The following BAZ1B variants were observed in gnomAD, a reference collection of about 807,000 sequenced individuals.
The protein encoded by BAZ1B is tyrosine-protein kinase BAZ1B.
BAZ1B carries 22 observed loss-of-function variants against 153.8 expected under a neutral mutation model. That is an observed-to-expected ratio of 0.14 (90% CI 0.10 to 0.20). The LOEUF (loss-of-function observed/expected upper bound fraction) is 0.20. Among genes scored for constraint, BAZ1B ranks in the 10% least tolerant of loss-of-function variants. The pLI is 1.00. For synonymous variants in BAZ1B, 676 were observed against 633.4 expected, an observed-to-expected ratio of 1.07 and a Z score of -1.01; for missense variants, 1,325 against 1,799.3, an observed-to-expected ratio of 0.74 and a Z score of 4.77.
At chr7:73,451,659 A>C (rs929956065) in intron 13 of BAZ1B, among the ~76,000 whole-genome samples, 1 of 152,208 alleles carries the variant, frequency 6.6e-6, no homozygotes, top group Non-Finnish European at 1.5e-5. Flanking sequence ...CACATACAAA[A>C]ATCTACATTT....
rs71071937 is a variant in BAZ1B, at chr7:73,456,937, CAAAAAAAAAAAAAAAAAAAAAAA to C, written c.3432+2576_3432+2598del. On this transcript the variant is annotated intron_variant, in intron 13 of 19. Transcript: ENST00000339594. ...GGCCTCGGCGACAGAGACTCTGTCT[CAAAAAAAAAAAAAAAAAAAAAAA>C]AAAAAAAAAAAAAAAAAGTATTGGC... is the stretch of plus-strand genomic sequence containing the variant. Among the ~76,000 whole-genome samples the C allele has an allele frequency of 2.2e-3, 89 of 39,580 alleles. 1 individual carries two copies. Among genetic ancestry groups the C allele is most frequent in the East Asian group, 7.8e-3 (8 of 1,028 alleles). 26.0% of individuals were successfully genotyped at this position (39,580 alleles called of 152,430 possible).
At chr7:73,487,522 C>T (rs1172236092) in intron 6 of BAZ1B, among the ~76,000 whole-genome samples, 9 of 152,154 alleles carry the variant, frequency 5.9e-5, no homozygotes, top group Non-Finnish European at 1.2e-4. Context: ...TATTCACATA[C>T]TTGAATCACT....
In BAZ1B at chr7:73,444,185, T is replaced by C; in HGVS notation, c.3845-56A>G. On this transcript the variant is annotated intron_variant, in intron 16 of 19. Coordinates refer to ENST00000339594, the MANE Select transcript of BAZ1B (RefSeq NM_032408.4). Reference sequence around the variant, plus strand: ...ACAACGGAAGGTGAAGGGAGGAGCATCTTCGAAATGGGGGAAAGGGATGCA... The same window carrying C: ...ACAACGGAAGGTGAAGGGAGGAGCACCTTCGAAATGGGGGAAAGGGATGCA... 5 of 1,500,450 alleles carry C rather than the reference T, an allele frequency of 3.3e-6. No homozygotes were observed. In the South Asian group the frequency reaches 4.0e-5, roughly 12 times the overall value. 92.9% of individuals were successfully genotyped at this position (1,500,450 alleles called of 1,614,324 possible).
chr7:73,519,313 C>T (rs782498218), intron 1 of BAZ1B, among the ~76,000 whole-genome samples: 1 of 152,150 alleles, frequency 6.6e-6, no homozygotes, highest in Non-Finnish European at 1.5e-5. Context: ...GGGAATACTA[C>T]TTCAAAGGCA....
intron 1 of BAZ1B, 62 bp downstream of exon 1, chr7:73,521,764 AG>A: frequency 7.4e-7 from 1 of 1,354,808 alleles, no homozygotes. Flanking sequence ...TGGTCTCGCG[AG>A]CCCCAGGCCC....
intron 12 of BAZ1B, among the ~76,000 whole-genome samples, chr7:73,461,164 C>T (rs1583897371): frequency 1.3e-5 from 2 of 151,982 alleles, no homozygotes; most frequent in African/African-American, 2.4e-5. Context: ...TTAGTAGAGA[C>T]GGGGTTTCTC....
In BAZ1B at chr7:73,494,283, T is replaced by C. The variant is rs537943879; in HGVS notation, c.572-1362A>G. Among the ~76,000 whole-genome samples the C allele has an allele frequency of 1.8e-4, 27 of 152,214 alleles. No homozygotes were observed. In the South Asian group the frequency reaches 3.9e-3, roughly 22 times the overall value. On this transcript the variant is annotated intron_variant, in intron 4 of 19. Transcript: ENST00000339594. ...CTGTAATCCCAGCTACTCGGGAGGC[T>C]GAGGCAGAAGAATTGCTTGAACCCG...
intron 7 of BAZ1B, 78 bp from the exon 8 acceptor site, chr7:73,470,561 A>G (rs1788764012): frequency 2.0e-6 from 3 of 1,525,120 alleles, no homozygotes. Context: ...AATATGGAGT[A>G]AAAAGTGCCT....
At chr7:73,511,772 G>C (rs1294786877) in intron 1 of BAZ1B, among the ~76,000 whole-genome samples, 1 of 150,796 alleles carries the variant, frequency 6.6e-6, no homozygotes, top group Non-Finnish European at 1.5e-5. Context: ...TGTAATCCCA[G>C]AACTTTGGGA....
intron 16 of BAZ1B, among the ~76,000 whole-genome samples, chr7:73,445,378 GA>G (rs1554566276): frequency 6.6e-6 from 1 of 152,152 alleles, no homozygotes; most frequent in African/African-American, 2.4e-5. Flanking sequence ...CTGCACTGGG[GA>G]ACCACATCTT....
intron 4 of BAZ1B, among the ~76,000 whole-genome samples, chr7:73,494,937 G>A (rs1192733244): frequency 6.6e-6 from 1 of 152,134 alleles, no homozygotes; most frequent in Non-Finnish European, 1.5e-5. Flanking sequence ...TACCTGCCTT[G>A]GGATACAAGA....
Position 73,442,101 on chromosome 7 carries a change from G to A in BAZ1B, c.*15+80C>T, listed in dbSNP as rs557255069. 2.0e-5 allele frequency: 19 copies of A among 969,706 alleles called. No individual in the cohort carries two copies. In the African/African-American group the frequency reaches 2.1e-4, roughly 11 times the overall value. 60.1% of individuals were successfully genotyped at this position (969,706 alleles called of 1,614,324 possible). A position where few individuals can be genotyped will look rare whatever the true frequency, so the allele number is the denominator to read the frequency against. On this transcript the variant is annotated intron_variant, in intron 19 of 19. Coordinates refer to ENST00000339594, the MANE Select transcript of BAZ1B (RefSeq NM_032408.4). ...TGACAGGCGTTTCTGGACTCCCTGT[G>A]ATCTCTTCCAGGTTCTTGGTCTTCC...
Position 73,450,707 on chromosome 7 carries a change from T to C in BAZ1B, c.3580+140A>G. ...CACGACATTTCAAAGACTGGCATGT[T>C]ACAGACCTGCAGGAGAGTAAAATCT... On this transcript the variant is annotated intron_variant, in intron 14 of 19. Transcript: ENST00000339594. The surrounding 1 kb of genome is among the most constrained non-coding windows in gnomAD (Gnocchi z 4.1). The C allele has an allele frequency of 1.0e-6, 1 of 965,192 alleles. No homozygotes were observed. Among genetic ancestry groups the C allele is most frequent in the South Asian group, 1.7e-5 (1 of 59,190 alleles). 59.8% of individuals were successfully genotyped at this position (965,192 alleles called of 1,614,324 possible).
intron 12 of BAZ1B, among the ~76,000 whole-genome samples, chr7:73,460,204 A>G (rs900369225): frequency 0.012 from 1,828 of 150,654 alleles, 47 homozygotes; most frequent in African/African-American, 0.042. Flanking sequence ...AAAAAAAAAA[A>G]AAAAAAAAAA....
At chr7:73,495,137 G>A (rs181897655) in intron 4 of BAZ1B, among the ~76,000 whole-genome samples, 456 of 152,252 alleles carry the variant, frequency 3.0e-3, no homozygotes, top group African/African-American at 9.9e-3. Context: ...TACAAAATTA[G>A]CTGGTTGTGG....
intron 16 of BAZ1B, 100 bp downstream of exon 16, chr7:73,447,164 G>C: frequency 6.2e-7 from 1 of 1,601,774 alleles, no homozygotes; most frequent in Non-Finnish European, 8.5e-7. Context: ...AAAAGGAATA[G>C]GGCAAGCCGG....
At chr7:73,452,448 G>T (rs1554568486) in intron 13 of BAZ1B, among the ~76,000 whole-genome samples, 1 of 152,120 alleles carries the variant, frequency 6.6e-6, no homozygotes, top group Non-Finnish European at 1.5e-5. Context: ...GTTCGGCCGG[G>T]CGTGGTGGCT....
At chr7:73,476,208 G>A (rs1445874680) in intron 7 of BAZ1B, among the ~76,000 whole-genome samples, 1 of 152,078 alleles carries the variant, frequency 6.6e-6, no homozygotes, top group African/African-American at 2.4e-5. Context: ...TCTTTGAGAT[G>A]ATAAAAATGT....
intron 1 of BAZ1B, among the ~76,000 whole-genome samples, 153 bp from the exon 2 acceptor site, chr7:73,511,005 T>C (rs1426694285): frequency 6.6e-6 from 1 of 152,028 alleles, no homozygotes; most frequent in African/African-American, 2.4e-5. Context: ...GGCGCAGTGG[T>C]TCACGCCTGT....
Sources: allele counts gnomAD v4.1 joint callset (sites outside exome capture counted in the v4.1 genomes callset), GRCh38; gene constraint gnomAD v4.1.1; non-coding constraint Gnocchi (gnomAD v3.1); transcripts MANE v1.5; gene names NCBI Gene and HGNC (gene_info 2026-07-23, HGNC 2026-07-21).